DENND1B: variants seen among roughly 807,000 people sequenced by gnomAD.
The protein encoded by DENND1B is DENN domain containing 1B, also known as DENN domain-containing protein 1B.
Under a neutral mutation model 90.1 loss-of-function variants are expected in DENND1B, and 59 were observed. That is an observed-to-expected ratio of 0.65 (90% CI 0.53 to 0.81). The LOEUF (loss-of-function observed/expected upper bound fraction) is 0.81. DENND1B is among the 40% of genes least tolerant of loss of function. DENND1B has a pLI of 0.00. For synonymous variants in DENND1B, 337 were observed against 324.6 expected, an observed-to-expected ratio of 1.04 and a Z score of -0.41; for missense variants, 862 against 912.6, an observed-to-expected ratio of 0.94 and a Z score of 0.71.
intron 2 of DENND1B, among the ~76,000 whole-genome samples, chr1:197,727,048 C>T (rs1661703798): frequency 6.6e-6 from 1 of 152,134 alleles, no homozygotes. Context: ...AAAATCTTCC[C>T]TGATCATATC....
At chr1:197,587,564 G>A (rs941464497) in intron 14 of DENND1B, among the ~76,000 whole-genome samples, 2 of 152,070 alleles carry the variant, frequency 1.3e-5, no homozygotes, top group Non-Finnish European at 2.9e-5. Flanking sequence ...ATACATTCAA[G>A]GTTATTTTCA....
chr1:197,746,633 T>G (rs911940313), intron 2 of DENND1B: 46 of 628,234 alleles, frequency 7.3e-5, no homozygotes, highest in Non-Finnish European at 1.2e-4. Flanking sequence ...TCCCAAATTT[T>G]ATGCTTATTT....
At chr1:197,571,475 TTTTCA>T (rs1438534241) in intron 15 of DENND1B, among the ~76,000 whole-genome samples, 1 of 152,236 alleles carries the variant, frequency 6.6e-6, no homozygotes, top group Non-Finnish European at 1.5e-5. Flanking sequence ...CATGTTCTTC[TTTTCA>T]TATCTCAAAA....
At chr1:197,707,742 G>A (rs1659732086) in intron 3 of DENND1B, among the ~76,000 whole-genome samples, 1 of 148,496 alleles carries the variant, frequency 6.7e-6, no homozygotes, top group African/African-American at 2.5e-5. Context: ...GGCCGAATAG[G>A]AACAGCTCCG....
chr1:197,742,984 T>A (rs1222428326), intron 2 of DENND1B, among the ~76,000 whole-genome samples: 1 of 152,114 alleles, frequency 6.6e-6, no homozygotes, highest in Non-Finnish European at 1.5e-5. Context: ...CTCAGAAAGG[T>A]CACACTGTTA....
intron 2 of DENND1B, among the ~76,000 whole-genome samples, chr1:197,726,949 G>A (rs1225794764): frequency 6.6e-6 from 1 of 152,148 alleles, no homozygotes; most frequent in African/African-American, 2.4e-5. Context: ...TCAGTTCACA[G>A]GTCTCTGTTG....
At chr1:197,596,393 T>C (rs1297416959) in intron 13 of DENND1B, among the ~76,000 whole-genome samples, 2 of 151,970 alleles carry the variant, frequency 1.3e-5, no homozygotes, top group Non-Finnish European at 2.9e-5. Flanking sequence ...TATATTCTGT[T>C]CACTTAAAAA....
intron 3 of DENND1B, among the ~76,000 whole-genome samples, chr1:197,714,718 TTTA>T (rs1660469684): frequency 6.6e-6 from 1 of 152,136 alleles, no homozygotes; most frequent in African/African-American, 2.4e-5. Context: ...TTGTCAACTT[TTTA>T]TTGTTTTTAA....
rs532597224 is a variant in DENND1B at position 197,704,872 on chromosome 1, G to A, written c.126+10159C>T. ...AAAAAAAATAAAGCTAAAAATTTAA[G>A]AGTAAACGCTTTTGAGTCAGACAAA... is the stretch of plus-strand genomic sequence containing the variant. On this transcript the variant is annotated intron_variant, in intron 3 of 22. Coordinates refer to ENST00000620048, the MANE Select transcript of DENND1B (RefSeq NM_001195215.2). Among the ~76,000 whole-genome samples the A allele has an allele frequency of 2.0e-5, 3 of 151,932 alleles. No individual in the cohort carries two copies. In the East Asian group the frequency reaches 5.8e-4, roughly 29 times the overall value.
chr1:197,636,468 T>C (rs886217528), intron 10 of DENND1B, among the ~76,000 whole-genome samples: 2 of 152,144 alleles, frequency 1.3e-5, no homozygotes, highest in African/African-American at 4.8e-5. Flanking sequence ...AGCATATACT[T>C]TGGAATCATA....
At chr1:197,626,953 A>G (rs1301136813) in intron 10 of DENND1B, among the ~76,000 whole-genome samples, 1 of 152,174 alleles carries the variant, frequency 6.6e-6, no homozygotes, top group African/African-American at 2.4e-5. Flanking sequence ...TCCTCGACAC[A>G]CACACCCTCC....
chr1:197,695,142 T>C (rs770767174), intron 3 of DENND1B, among the ~76,000 whole-genome samples: 1 of 151,244 alleles, frequency 6.6e-6, no homozygotes, highest in Non-Finnish European at 1.5e-5. Flanking sequence ...CTTCCTAAAC[T>C]GCGCCTGCTA....
chr1:197,551,418 A>G (rs1193713814), intron 16 of DENND1B, among the ~76,000 whole-genome samples: 3 of 152,176 alleles, frequency 2.0e-5, no homozygotes, highest in Non-Finnish European at 1.5e-5. Flanking sequence ...TTAATAAAGA[A>G]CAACAAAGTA....
chr1:197,675,275 T>C (rs966186894), intron 3 of DENND1B, among the ~76,000 whole-genome samples: 3 of 152,146 alleles, frequency 2.0e-5, no homozygotes, highest in Admixed American at 2.0e-4. Flanking sequence ...ACCGTATACA[T>C]AAATATAGCA....
rs1571851990 is a variant in DENND1B at position 197,553,131 on chromosome 1, A to C, written c.1150-19T>G. The C allele has an allele frequency of 6.6e-7, 1 of 1,508,716 alleles. No individual in the cohort carries two copies. The highest frequency in any genetic ancestry group is 8.9e-7 in the Non-Finnish European group (1 of 1,126,970). 93.5% of individuals were successfully genotyped at this position (1,508,716 alleles called of 1,614,324 possible). A position where few individuals can be genotyped will look rare whatever the true frequency, so the allele number is the denominator to read the frequency against. ...CGATAAACTAGAATTAAAAAGTGTC[A>C]AATAAAATGTATCAAATAAAATGTT... is the stretch of plus-strand genomic sequence containing the variant. On this transcript the variant is annotated intron_variant, in intron 15 of 22. Transcript: ENST00000620048.
intron 5 of DENND1B, among the ~76,000 whole-genome samples, chr1:197,665,241 T>G (rs1334654041): frequency 1.3e-5 from 2 of 152,146 alleles, no homozygotes; most frequent in African/African-American, 4.8e-5. Flanking sequence ...AATCTTGTAA[T>G]GGCATAAATC....
intron 13 of DENND1B, among the ~76,000 whole-genome samples, chr1:197,596,075 G>T (rs958649924): frequency 6.6e-6 from 1 of 151,892 alleles, no homozygotes. Context: ...CCACATGGTG[G>T]GTTTGAATTC....
chr1:197,510,592 TTC>T lies in DENND1B; in HGVS notation c.2194_2195del (p.Glu732ArgfsTer16). Reference sequence around the variant, plus strand: ...CTGAAGTCTCTTTGGCTTCTTTCCCTTCTTTCTCCCAAGGAACAAAAGTCGAT... The same window carrying T: ...CTGAAGTCTCTTTGGCTTCTTTCCCTTTTCTCCCAAGGAACAAAAGTCGAT... Reference protein sequence around the residue: ...HSSTFVPWEKEGKEAKETSED... With the variant: ...HSSTFVPWEKXGKEAKETSED... On this transcript the variant is annotated frameshift_variant, in exon 23 of 23. Transcript: ENST00000620048. LOFTEE classifies it low-confidence loss of function (END_TRUNC). 6.2e-7 allele frequency: 1 copy of T among 1,612,782 alleles called. No homozygotes were observed. The highest frequency in any genetic ancestry group is 8.5e-7 in the Non-Finnish European group (1 of 1,179,208).
intron 22 of DENND1B, among the ~76,000 whole-genome samples, 199 bp from the exon 23 acceptor site, chr1:197,511,171 C>A (rs1053735819): frequency 6.6e-6 from 1 of 151,718 alleles, no homozygotes; most frequent in Non-Finnish European, 1.5e-5. Context: ...CACTGCCTTG[C>A]AGCTGTCACC....
Sources: gnomAD v4.1 joint callset for allele counts (sites outside exome capture counted in the v4.1 genomes callset) on GRCh38, gnomAD v4.1.1 for gene constraint, MANE v1.5 for transcripts, NCBI Gene and HGNC (gene_info 2026-07-23, HGNC 2026-07-21) for gene names.